Variants in STEAP3 observed in about 807,000 individuals in gnomAD.
STEAP3 encodes metalloreductase STEAP3.
In STEAP3, 35 loss-of-function variants were observed where a neutral mutation model predicts 34.9. That is an observed-to-expected ratio of 1.00 (90% CI 0.76 to 1.33). The LOEUF (loss-of-function observed/expected upper bound fraction) is 1.33, where lower values mean the gene tolerates loss of function less well. Ranked by LOEUF, STEAP3 falls within the 40% of genes most tolerant of loss-of-function variation. The pLI is 0.00. For synonymous variants in STEAP3, 281 were observed against 301.6 expected (o/e 0.93, Z 0.71); for missense variants, 652 against 667.6 (o/e 0.98, Z 0.26).
Position 119,227,760 on chromosome 2 carries a change from C to T in STEAP3, c.-393-2860C>T, listed in dbSNP as rs566320405. 9.3e-4 allele frequency among the ~76,000 whole-genome samples: 142 copies of T among 152,282 alleles called. 1 individual carries two copies. The highest frequency in any genetic ancestry group is 1.6e-3 in the Non-Finnish European group (111 of 68,030). On this transcript the variant is annotated intron_variant, in intron 1 of 5. Transcript: ENST00000393110. ...TGGTTCATGTGTAGACAGCAGGGCT[C>T]CCAAAGCCAGCATGCTGGGGTCTGT...
intron 2 of STEAP3, among the ~76,000 whole-genome samples, chr2:119,235,191 TTTTA>T (rs1469749026): frequency 6.6e-6 from 1 of 152,092 alleles, no homozygotes; most frequent in Non-Finnish European, 1.5e-5. Context: ...ATGGGGTTTG[TTTTA>T]TTGACTCAGC....
chr2:119,254,626 C>T, intron 4 of STEAP3, 58 bp from the exon 5 acceptor site: 2 of 1,602,414 alleles, frequency 1.2e-6, no homozygotes, highest in South Asian at 2.2e-5. Flanking sequence ...TCATCATTGC[C>T]CTCCCGGGGC....
intron 3 of STEAP3, among the ~76,000 whole-genome samples, chr2:119,247,181 C>A (rs1262244354): frequency 1.3e-5 from 2 of 152,206 alleles, no homozygotes; most frequent in Admixed American, 6.5e-5. Context: ...TTGTAGAAGG[C>A]CTTATGTGCT....
intron 1 of STEAP3, among the ~76,000 whole-genome samples, chr2:119,229,674 AGGGGTGGGCGTTGGGGGAG>A (rs1679154414): frequency 6.6e-6 from 1 of 152,072 alleles, no homozygotes; most frequent in Admixed American, 6.5e-5. Context: ...AGAGATTGTC[AGGGGTGGGCGTTGGGGGAG>A]ATGGCAGGTG....
chr2:119,257,528 CCA>C, intron 5 of STEAP3: 1 of 1,545,108 alleles, frequency 6.5e-7, no homozygotes, highest in Non-Finnish European at 8.7e-7. Context: ...CCCAAGACCC[CCA>C]CTTACCTGCC....
At position 119,258,597 on chromosome 2, in the gene STEAP3, ATTTTTTTT is replaced by A. The variant is rs57364767; in HGVS notation, c.1215+3770_1215+3777del. ...CATGTTGTTTTGTGTTCCTTTGGGTATTTTTTTTTTTTTTTTTTTTTTTTTTTTGAGAC... is the reference window on the plus strand; with the variant it reads ...CATGTTGTTTTGTGTTCCTTTGGGTATTTTTTTTTTTTTTTTTTTTGAGAC... On this transcript the variant is annotated intron_variant, in intron 5 of 5. Coordinates refer to ENST00000393110, the MANE Select transcript of STEAP3 (RefSeq NM_182915.3). Among the ~76,000 whole-genome samples the A allele has an allele frequency of 1.5e-3, 103 of 69,968 alleles. 1 individual carries two copies. Among genetic ancestry groups the A allele is most frequent in the African/African-American group, 4.9e-3 (93 of 18,862 alleles). The allele number at this position is 69,968 out of a possible 152,430, so 45.9% of individuals were successfully genotyped here.
At chr2:119,224,643 C>T (rs1477282464) in intron 1 of STEAP3, among the ~76,000 whole-genome samples, 1 of 152,166 alleles carries the variant, frequency 6.6e-6, no homozygotes, top group African/African-American at 2.4e-5. Context: ...CAGGAAGGTC[C>T]CGCTGGAGCC....
At position 119,237,409 on chromosome 2, in the gene STEAP3, C is replaced by G. The variant is rs146388149; in HGVS notation, c.22+6375C>G. Among the ~76,000 whole-genome samples the G allele has an allele frequency of 3.3e-5, 5 of 152,260 alleles. No homozygotes were observed. The East Asian group carries it at 7.7e-4, about 23-fold the overall frequency. On this transcript the variant is annotated intron_variant, in intron 2 of 5. Coordinates refer to ENST00000393110, the MANE Select transcript of STEAP3 (RefSeq NM_182915.3). ...GGCAGGCTCTTTTTAACAAGCTGCT[C>G]TCGAGGAAACTAATACAGTGAGAAC...
chr2:119,254,773 G>C lies in STEAP3; in HGVS notation c.1140G>C (p.Thr380=). Residue 380 remains threonine, a synonymous_variant, in exon 5 of 6, where the codon ACG becomes ACC. Transcript: ENST00000393110. ...YLSLGVLALG[T]LSLLAVTSLP... ...CCCTGGGAGTGCTGGCCCTCGGCAC[G>C]TTGTCCCTGCTGGCCGTGACCTCAC... 1 of 1,614,186 alleles carries C rather than the reference G, an allele frequency of 6.2e-7. No individual in the cohort carries two copies. The highest frequency in any genetic ancestry group is 1.3e-5 in the African/African-American group (1 of 75,046).
chr2:119,251,705 C>T (rs1346208223), intron 4 of STEAP3, among the ~76,000 whole-genome samples: 3 of 152,112 alleles, frequency 2.0e-5, no homozygotes, highest in Non-Finnish European at 4.4e-5. Context: ...AGACTCCCTC[C>T]GCAGCCTCAT....
In STEAP3 at chr2:119,230,905, A is replaced by G; in HGVS notation, c.-108A>G. On this transcript the variant is annotated 5_prime_UTR_variant, in exon 2 of 6. Coordinates refer to ENST00000393110, the MANE Select transcript of STEAP3 (RefSeq NM_182915.3). ...CTCGCCTCCTGAGAAACCGAGAGTC[A>G]GAACCAAAGCCAGGCTGTCCTGGTT... 6.7e-7 allele frequency: 1 copy of G among 1,503,590 alleles called. No homozygotes were observed. The highest frequency in any genetic ancestry group is 9.2e-7 in the Non-Finnish European group (1 of 1,081,314). 93.1% of individuals were successfully genotyped at this position (1,503,590 alleles called of 1,614,324 possible).
intron 2 of STEAP3, among the ~76,000 whole-genome samples, chr2:119,233,182 G>A (rs1232623660): frequency 6.6e-6 from 1 of 152,174 alleles, no homozygotes; most frequent in East Asian, 1.9e-4. Context: ...CCCTGGCCCA[G>A]GAGCCTCCAA....
chr2:119,242,853 G>A (rs1339074922), intron 2 of STEAP3, among the ~76,000 whole-genome samples: 1 of 152,202 alleles, frequency 6.6e-6, no homozygotes, highest in African/African-American at 2.4e-5. Flanking sequence ...TGGCTCCAGA[G>A]CCCGGCTCCT....
chr2:119,251,473 C>T (rs185308196), intron 4 of STEAP3, among the ~76,000 whole-genome samples: 69 of 152,304 alleles, frequency 4.5e-4, no homozygotes, highest in Admixed American at 7.8e-4. Flanking sequence ...TGGAAATACA[C>T]ATTTCAACAT....
chr2:119,237,868 T>G (rs1677136646), intron 2 of STEAP3, among the ~76,000 whole-genome samples: 1 of 152,236 alleles, frequency 6.6e-6, no homozygotes, highest in Non-Finnish European at 1.5e-5. Flanking sequence ...CCACCACTAA[T>G]CTACTTTCTG....
At position 119,247,691 on chromosome 2, in the gene STEAP3, G is replaced by A. The variant is rs113158407; in HGVS notation, c.535G>A (p.Gly179Ser). Reference protein sequence around the residue: ...RDGNRQVPICGDQPEAKRAVS... With the variant: ...RDGNRQVPICSDQPEAKRAVS... ...TTTTCTCCCGCAGGTGCCCATCTGC[G>A]GTGACCAGCCAGAAGCCAAGCGTGC... is the stretch of plus-strand genomic sequence containing the variant. Residue 179 changes from glycine to serine, a missense_variant, in exon 4 of 6, where the codon GGT becomes AGT. Transcript: ENST00000393110. 1.3e-3 allele frequency: 1,932 copies of A among 1,538,334 alleles called. 20 individuals carry two copies. The African/African-American group carries it at 0.023, about 18-fold the overall frequency.
In STEAP3 at chr2:119,263,538, C is replaced by A; in HGVS notation, c.*200C>A. The stretch of plus-strand genomic sequence containing the variant: ...ATGTGTATATGTATTTACATATATT[C>A]CACATATATAACAGGATTTGCAATT... On this transcript the variant is annotated 3_prime_UTR_variant, in exon 6 of 6. Transcript: ENST00000393110. The A allele has an allele frequency of 1.4e-6, 1 of 717,918 alleles. No homozygotes were observed. The highest frequency in any genetic ancestry group is 2.4e-6 in the Non-Finnish European group (1 of 425,500). The allele number at this position is 717,918 out of a possible 1,614,324, so 44.5% of individuals were successfully genotyped here.
chr2:119,228,597 G>C (rs1330325295), intron 1 of STEAP3, among the ~76,000 whole-genome samples: 1 of 152,188 alleles, frequency 6.6e-6, no homozygotes, highest in Non-Finnish European at 1.5e-5. Context: ...AAGCAAGACA[G>C]TGCTGGGCCC....
chr2:119,228,764 A>C (rs1245558072), intron 1 of STEAP3, among the ~76,000 whole-genome samples: 1 of 151,868 alleles, frequency 6.6e-6, no homozygotes, highest in Non-Finnish European at 1.5e-5. Context: ...CCCTCCCATG[A>C]CCTTTAACAT....
Sources: gnomAD v4.1 joint callset for allele counts (sites outside exome capture counted in the v4.1 genomes callset) on GRCh38, gnomAD v4.1.1 for gene constraint, MANE v1.5 for transcripts, NCBI Gene and HGNC (gene_info 2026-07-23, HGNC 2026-07-21) for gene names.